The following VWF variants were observed in gnomAD, a reference collection of about 807,000 sequenced individuals.
VWF encodes Factor VIII related antigen.
VWF carries 176 observed loss-of-function variants against 308.6 expected under a neutral mutation model. The ratio of observed to expected loss-of-function variants is 0.57; its 90% CI spans 0.50 to 0.65. VWF has a LOEUF of 0.65. Among genes scored for constraint, VWF ranks in the 30% least tolerant of loss-of-function variants. VWF has a pLI of 0.00. For missense variants in VWF, 3,146 were observed against 3,648.2 expected, an observed-to-expected ratio of 0.86 and a Z score of 3.55; for synonymous variants, 1,385 against 1,443.4, an observed-to-expected ratio of 0.96 and a Z score of 0.92.
intron 44 of VWF, among the ~76,000 whole-genome samples, chr12:5,969,883 T>C (rs1943451060): frequency 6.6e-6 from 1 of 152,016 alleles, no homozygotes; most frequent in Non-Finnish European, 1.5e-5. Context: ...ACCCCAAGGG[T>C]TGTCACCACG....
intron 42 of VWF, among the ~76,000 whole-genome samples, chr12:5,976,574 C>G (rs374297823): frequency 1.1e-4 from 17 of 152,058 alleles, no homozygotes; most frequent in African/African-American, 3.9e-4. Flanking sequence ...CTGCACTTCA[C>G]TCCTTCCTAT....
intron 5 of VWF, among the ~76,000 whole-genome samples, chr12:6,104,416 G>A (rs955950288): frequency 6.6e-6 from 1 of 151,758 alleles, no homozygotes; most frequent in African/African-American, 2.4e-5. Context: ...TGCCAGGCGC[G>A]GTGGCTCACA....
At chr12:6,064,470 C>T (rs1399423334) in intron 11 of VWF, 86 bp from the exon 12 acceptor site, 1 of 1,572,078 alleles carries the variant, frequency 6.4e-7, no homozygotes, top group East Asian at 2.3e-5. Context: ...CAGAGAAAGG[C>T]CTCAACCCGA....
Position 6,072,402 on chromosome 12 carries a change from G to A in VWF, c.1038C>T (p.Thr346=), listed in dbSNP as rs764950457. The part of the protein sequence containing the change: ...LLDEGLCVES[T]ECPCVHSGKR... ...TTCCGGAATGCACGCAGGGACACTC[G>A]GTGCTCTCCACGCAGAGGCCTTCAT... The change falls in exon 9 of 52, where the codon ACC becomes ACT. Residue 346 remains threonine, a synonymous_variant. Transcript: ENST00000261405. 11 of 1,614,086 alleles carry A rather than the reference G, an allele frequency of 6.8e-6. No homozygotes were observed. Among genetic ancestry groups the A allele is most frequent in the East Asian group, 2.2e-5 (1 of 44,874 alleles).
chr12:5,961,837 T>C (rs1943320685), intron 47 of VWF, among the ~76,000 whole-genome samples: 1 of 151,998 alleles, frequency 6.6e-6, no homozygotes, highest in South Asian at 2.1e-4. Flanking sequence ...AAGATGTGAA[T>C]GTGTGTGTCC....
rs1045426496 is a variant in VWF, at chr12:6,075,810, T to G, written c.658-259A>C. Among the ~76,000 whole-genome samples, 1 of 152,226 alleles carries G rather than the reference T, an allele frequency of 6.6e-6. No individual in the cohort carries two copies. Among genetic ancestry groups the G allele is most frequent in the Non-Finnish European group, 1.5e-5 (1 of 68,038 alleles). On this transcript the variant is annotated intron_variant, in intron 6 of 51. Coordinates refer to ENST00000261405, the MANE Select transcript of VWF (RefSeq NM_000552.5). The surrounding 1 kb of genome is among the most constrained non-coding windows in gnomAD (Gnocchi z 4.7). ...AAATGCAGAGTCCAAGGCCCTGGATTGCCATGGTGGGCAGTGTCCTAGGAA... is the reference window on the plus strand; with the variant it reads ...AAATGCAGAGTCCAAGGCCCTGGATGGCCATGGTGGGCAGTGTCCTAGGAA...
chr12:6,000,811 CAAAAAAAAAA>C (rs71064181), intron 34 of VWF, among the ~76,000 whole-genome samples: 1 of 69,804 alleles, frequency 1.4e-5, no homozygotes, highest in Non-Finnish European at 2.6e-5. Context: ...GACTCTGTCT[CAAAAAAAAAA>C]AAAAAAAAAA....
At position 6,060,340 on chromosome 12, in the gene VWF, G is replaced by A. The variant is rs890992711; in HGVS notation, c.1534-2296C>T. Among the ~76,000 whole-genome samples, 10 of 152,164 alleles carry A rather than the reference G, an allele frequency of 6.6e-5. No individual in the cohort carries two copies. Among genetic ancestry groups the A allele is most frequent in the East Asian group, 1.9e-4 (1 of 5,146 alleles). On this transcript the variant is annotated intron_variant, in intron 13 of 51. Coordinates refer to ENST00000261405, the MANE Select transcript of VWF (RefSeq NM_000552.5). This position sits in a 1 kb window ranked among gnomAD's most constrained non-coding sequence, Gnocchi z 5.1. ...TTGCTGCCTGGACCGCCAGCCCCAC[G>A]GGGACAAAGCGTACATAACACACCC...
In VWF at chr12:6,013,606, T is replaced by C. The variant is rs1944022170; in HGVS notation, c.5495A>G (p.Asp1832Gly). The part of the protein sequence containing the change: ...VFPIGIGDRY[D>G]AAQLRILAGP... ...TGCCAAGATCCGTAGCTGGGCTGCA[T>C]CGTAGCGATCTCCAATTCCAATAGG... The change falls in exon 32 of 52, where the codon GAT (aspartate) becomes GGT (glycine). Residue 1832 changes from aspartate (D) to glycine (G), a missense_variant. Asp to Gly is a moderately conservative substitution (Grantham distance 94). Coordinates refer to ENST00000261405, the MANE Select transcript of VWF (RefSeq NM_000552.5). 1 of 1,613,554 alleles carries C rather than the reference T, an allele frequency of 6.2e-7. No homozygotes were observed. The highest frequency in any genetic ancestry group is 1.7e-5 in the Admixed American group (1 of 60,000).
At position 6,118,453 on chromosome 12, in the gene VWF, T is replaced by C. The variant is rs539140910; in HGVS notation, c.220+2721A>G. Among the ~76,000 whole-genome samples, 4 of 133,170 alleles carry C rather than the reference T, an allele frequency of 3.0e-5. No homozygotes were observed. The East Asian group carries it at 1.0e-3, about 35-fold the overall frequency. The allele number at this position is 133,170 out of a possible 152,430, so 87.4% of individuals were successfully genotyped here. A position where few individuals can be genotyped will look rare whatever the true frequency, so the allele number is the denominator to read the frequency against. On this transcript the variant is annotated intron_variant, in intron 3 of 51. Transcript: ENST00000261405. ...CCCAGGCTGGAGTGCAATGGCGCAA[T>C]CTCGGCTCACAGCAACCTCCACCTC...
intron 16 of VWF, among the ~76,000 whole-genome samples, chr12:6,051,051 T>A (rs1944503877): frequency 6.6e-6 from 1 of 152,216 alleles, no homozygotes; most frequent in African/African-American, 2.4e-5. Flanking sequence ...TTTACTTTTT[T>A]AATCGTTTAT....
At chr12:6,029,618 C>T (rs1392378349) in intron 21 of VWF, 130 bp from the exon 22 acceptor site, 2 of 1,221,716 alleles carry the variant, frequency 1.6e-6, no homozygotes, top group African/African-American at 1.5e-5. Flanking sequence ...CCCTCCAGGA[C>T]CCCACCTGCC....
At chr12:6,109,645 T>C (rs1362225842) in intron 5 of VWF, among the ~76,000 whole-genome samples, 2 of 152,182 alleles carry the variant, frequency 1.3e-5, no homozygotes, top group African/African-American at 2.4e-5. Flanking sequence ...GAAATATTCA[T>C]CTTTAGTGTT....
chr12:6,090,880 A>G (rs1404026535), intron 6 of VWF, among the ~76,000 whole-genome samples: 1 of 152,096 alleles, frequency 6.6e-6, no homozygotes, highest in Non-Finnish European at 1.5e-5. Flanking sequence ...GGTGAGAGAC[A>G]CTCAAGGGGC....
In VWF at chr12:5,999,471, T is replaced by TACACACACACACACACACACAC. The variant is rs3062521; in HGVS notation, c.5843-3271_5843-3250dup. ...CCTTCAGGATCCACATGTACACACATACACACACACACACACACACACACA... is the reference window on the plus strand; with the variant it reads ...CCTTCAGGATCCACATGTACACACATACACACACACACACACACACACACACACACACACACACACACACACA... On this transcript the variant is annotated intron_variant, in intron 34 of 51. Transcript: ENST00000261405. 3.3e-4 allele frequency among the ~76,000 whole-genome samples: 47 copies of TACACACACACACACACACACAC among 143,654 alleles called. No homozygotes were observed. The Middle Eastern group carries it at 0.011, about 33-fold the overall frequency. The allele number at this position is 143,654 out of a possible 152,430, so 94.2% of individuals were successfully genotyped here. A position where few individuals can be genotyped will look rare whatever the true frequency, so the allele number is the denominator to read the frequency against.
chr12:5,986,651 C>G (rs1454504252), intron 38 of VWF, among the ~76,000 whole-genome samples: 1 of 152,194 alleles, frequency 6.6e-6, no homozygotes, highest in Non-Finnish European at 1.5e-5. Flanking sequence ...CCCCTCTGGT[C>G]CTGCCCTTGA....
In VWF at chr12:6,020,269, G is replaced by A. The variant is rs148261792; in HGVS notation, c.3675-526C>T. Reference sequence around the variant, plus strand: ...CATGTTTGATATGTTGGGCCCTAACGAAGAGAGAAAAAATTGGAGCAAAAA... The same window carrying A: ...CATGTTTGATATGTTGGGCCCTAACAAAGAGAGAAAAAATTGGAGCAAAAA... On this transcript the variant is annotated intron_variant, in intron 27 of 51. Coordinates refer to ENST00000261405, the MANE Select transcript of VWF (RefSeq NM_000552.5). This position sits in a 1 kb window ranked among gnomAD's most constrained non-coding sequence, Gnocchi z 4.3. 3.0e-3 allele frequency among the ~76,000 whole-genome samples: 463 copies of A among 152,336 alleles called. 3 individuals are homozygous for A. The highest frequency in any genetic ancestry group is 0.011 in the African/African-American group (446 of 41,568).
At chr12:6,091,789 T>C (rs1945037574) in intron 6 of VWF, among the ~76,000 whole-genome samples, 1 of 152,100 alleles carries the variant, frequency 6.6e-6, no homozygotes, top group Non-Finnish European at 1.5e-5. Context: ...GGCCCACTGG[T>C]AGAAATAACT....
Position 6,100,246 on chromosome 12 carries a change from G to A in VWF, c.533-4662C>T, listed in dbSNP as rs368326653. Reference sequence around the variant, plus strand: ...TCATTAAAAAGTCAGGAAACAACAGGTGCTGGAGAGGATGTGGAGAAATAG... The same window carrying A: ...TCATTAAAAAGTCAGGAAACAACAGATGCTGGAGAGGATGTGGAGAAATAG... On this transcript the variant is annotated intron_variant, in intron 5 of 51. Transcript: ENST00000261405. Among the ~76,000 whole-genome samples the A allele has an allele frequency of 6.0e-5, 9 of 149,944 alleles. No individual in the cohort carries two copies. The East Asian group carries it at 1.5e-3, about 26-fold the overall frequency.
Sources: gnomAD v4.1 joint callset for allele counts (sites outside exome capture counted in the v4.1 genomes callset) on GRCh38, gnomAD v4.1.1 for gene constraint, Gnocchi (gnomAD v3.1) non-coding constraint, MANE v1.5 for transcripts, NCBI Gene and HGNC (gene_info 2026-07-23, HGNC 2026-07-21) for gene names.